HLA-DPA1: variants seen among roughly 807,000 people sequenced by gnomAD.
The protein encoded by HLA-DPA1 is HLA class II histocompatibility antigen, DP alpha 1 chain.
HLA-DPA1 carries 20 observed loss-of-function variants against 21.5 expected under a neutral mutation model. That is an observed-to-expected ratio of 0.93 (90% CI 0.66 to 1.35). The LOEUF (loss-of-function observed/expected upper bound fraction) is 1.35. Among genes scored for constraint, HLA-DPA1 ranks in the 40% most tolerant of loss-of-function variants. The pLI, the probability that HLA-DPA1 is intolerant of heterozygous loss-of-function variation, is 0.00. For synonymous variants in HLA-DPA1, 123 were observed against 129.6 expected, an observed-to-expected ratio of 0.95 and a Z score of 0.35; for missense variants, 279 against 323.0, an observed-to-expected ratio of 0.86 and a Z score of 1.05.
At chr6:33,067,944 AT>A (rs1158944733) in intron 5 of HLA-DPA1, 1 of 152,226 alleles carries the variant, frequency 6.6e-6, no homozygotes, top group African/African-American at 2.4e-5. Context: ...TCCAGCATGA[AT>A]AACAATAATA....
chr6:33,078,476 C>T lies in HLA-DPA1; in HGVS notation c.-100+2204G>A, dbSNP rs530405287. The stretch of plus-strand genomic sequence containing the variant: ...GCTTAAAGAGGCTGGGGGAGAAAAG[C>T]TTGGCTGAGACAACCCATAGGGAGC... On this transcript the variant is annotated intron_variant, in intron 1 of 5. Coordinates refer to ENST00000419277, the Ensembl canonical transcript of HLA-DPA1. Among the ~76,000 whole-genome samples the T allele has an allele frequency of 1.9e-4, 29 of 152,278 alleles. No individual in the cohort carries two copies. The Middle Eastern group carries it at 0.027, about 143-fold the overall frequency.
At chr6:33,073,412 A>G in intron 2 of HLA-DPA1, 59 bp downstream of exon 1, 1 of 822,966 alleles carries the variant, frequency 1.2e-6, no homozygotes, top group Non-Finnish European at 1.9e-6. Flanking sequence ...TGAAGCAGCA[A>G]TTGATGTGAA....
chr6:33,076,036 A>G (rs1762516833), intron 1 of HLA-DPA1: 2 of 1,608,764 alleles, frequency 1.2e-6, no homozygotes, highest in Non-Finnish European at 8.5e-7. Flanking sequence ...ATCCTTTTCC[A>G]GCTCCATGAT....
chr6:33,067,315 C>G (rs959487570), intron 5 of HLA-DPA1: 5 of 138,140 alleles, frequency 3.6e-5, no homozygotes, highest in Non-Finnish European at 4.5e-5. Flanking sequence ...TGGCTTTGTC[C>G]CCTCTCCGGG....
At chr6:33,077,381 G>A (rs2150368129) in intron 1 of HLA-DPA1, among the ~76,000 whole-genome samples, 2 of 152,178 alleles carry the variant, frequency 1.3e-5, no homozygotes, top group Middle Eastern at 6.8e-3. Flanking sequence ...ATAAACATAT[G>A]TGTGCATGTG....
chr6:33,067,423 G>C (rs1342342728), intron 5 of HLA-DPA1: 1 of 152,208 alleles, frequency 6.6e-6, no homozygotes, highest in African/African-American at 2.4e-5. Context: ...CTATGACCAT[G>C]TGATGCACTG....
chr6:33,073,442 G>A lies in HLA-DPA1; in HGVS notation c.100+29C>T, dbSNP rs117205703. 2,035 of 1,461,424 alleles carry A rather than the reference G, an allele frequency of 1.4e-3. 32 individuals carry two copies. The highest frequency in any genetic ancestry group is 0.014 in the East Asian group (602 of 44,136). 90.5% of individuals were successfully genotyped at this position (1,461,424 alleles called of 1,614,324 possible). On this transcript the variant is annotated intron_variant, in intron 2 of 5. Coordinates refer to ENST00000419277, the Ensembl canonical transcript of HLA-DPA1. ...TGTGAACCACCCCATCACTCACCCC[G>A]ACGCTCCTGCGTCCTCCTGAGCACT... is the stretch of plus-strand genomic sequence containing the variant.
chr6:33,076,084 C>A (rs771074929), intron 1 of HLA-DPA1: 1 of 1,612,620 alleles, frequency 6.2e-7, no homozygotes, highest in Admixed American at 1.7e-5. Flanking sequence ...GACAGTGGCT[C>A]TGACGGCGTT....
At chr6:33,066,821 C>A (rs1218612895) in intron 5 of HLA-DPA1, 1 of 152,038 alleles carries the variant, frequency 6.6e-6, no homozygotes, top group Admixed American at 6.5e-5. Context: ...TAATTATAGC[C>A]CCAATTATTA....
chr6:33,075,843 A>G, intron 1 of HLA-DPA1: 2 of 564,534 alleles, frequency 3.5e-6, no homozygotes, highest in Middle Eastern at 3.4e-4. Flanking sequence ...GACCTTTCAT[A>G]CTAACTTTCT....
rs1171565684 is a variant in HLA-DPA1, at chr6:33,069,893, A to G, written c.101-7T>C. The G allele has an allele frequency of 4.4e-6, 7 of 1,606,100 alleles. No homozygotes were observed. The South Asian group carries it at 7.7e-5, about 18-fold the overall frequency. On this transcript the variant is annotated splice_region_variant and splice_polypyrimidine_tract_variant and intron_variant, in intron 2 of 5. Coordinates refer to ENST00000419277, the Ensembl canonical transcript of HLA-DPA1. ...TAAGTTGACACATGGTCCGCTGCAT[A>G]AAGACAGTAGAGAAAAACACGACAA... is the stretch of plus-strand genomic sequence containing the variant.
At chr6:33,076,645 G>C (rs1762555571) in intron 1 of HLA-DPA1, among the ~76,000 whole-genome samples, 1 of 152,138 alleles carries the variant, frequency 6.6e-6, no homozygotes, top group South Asian at 2.1e-4. Flanking sequence ...GGGAGGGAGG[G>C]GGATAGGTTT....
chr6:33,080,577 A>T lies in HLA-DPA1; in HGVS notation c.-100+103T>A, dbSNP rs7765682. On this transcript the variant is annotated intron_variant, in intron 1 of 5. Coordinates refer to ENST00000419277, the Ensembl canonical transcript of HLA-DPA1. The surrounding 1 kb of genome is among the most constrained non-coding windows in gnomAD (Gnocchi z 4.3). The stretch of plus-strand genomic sequence containing the variant: ...ATTTTAAAATCCAGCCCTGGGTGGG[A>T]AGATTTGGGAAGAATCGTTAATATT... The T allele has an allele frequency of 0.066, 102,701 of 1,567,100 alleles. 6,396 individuals carry two copies. Among genetic ancestry groups the T allele is most frequent in the African/African-American group, 0.31 (23,095 of 73,336 alleles).
At chr6:33,069,163 C>T in exon 4 of HLA-DPA1, 1 of 1,612,966 alleles carries the variant, frequency 6.2e-7, no homozygotes, top group Non-Finnish European at 8.5e-7. Flanking sequence ...TCAGCGACAC[C>T]CTCAGTGACC....
rs751536871 is a variant in HLA-DPA1, at chr6:33,080,679, C to CGTG, written c.-100_-100+1insCAC. ...TCCGCCCCCTCCCCGCAGAGAATTACCTTTTCCAGGGACGGCAGGAATGCT... is the reference window on the plus strand; with the variant it reads ...TCCGCCCCCTCCCCGCAGAGAATTACGTGCTTTTCCAGGGACGGCAGGAATGCT... On this transcript the variant is annotated splice_region_variant and 5_prime_UTR_variant. Coordinates refer to ENST00000419277, the Ensembl canonical transcript of HLA-DPA1. The surrounding 1 kb of genome is among the most constrained non-coding windows in gnomAD (Gnocchi z 4.3). 6.8e-6 allele frequency: 11 copies of CGTG among 1,612,636 alleles called. 1 individual carries two copies. The Middle Eastern group carries it at 1.5e-3, about 218-fold the overall frequency.
chr6:33,072,923 G>C (rs1008326500), intron 2 of HLA-DPA1, among the ~76,000 whole-genome samples: 2 of 152,172 alleles, frequency 1.3e-5, no homozygotes, highest in Non-Finnish European at 2.9e-5. Flanking sequence ...AGAGCCCTAG[G>C]GTCCTAGAAG....
intron 5 of HLA-DPA1, chr6:33,068,437 G>T: frequency 2.0e-6 from 1 of 505,652 alleles, no homozygotes; most frequent in Non-Finnish European, 3.5e-6. Context: ...GACTATGTGT[G>T]AGAATAAAGT....
intron 1 of HLA-DPA1, chr6:33,079,522 A>G (rs1762724958): frequency 8.1e-6 from 3 of 370,818 alleles, no homozygotes. Flanking sequence ...TGAGGCACCA[A>G]TCAGACTGAA....
chr6:33,069,583 G>C (rs1274787964), intron 3 of HLA-DPA1, 58 bp downstream of exon 2: 4 of 1,595,322 alleles, frequency 2.5e-6, no homozygotes, highest in Admixed American at 1.7e-5. Context: ...GGGTGGCAGA[G>C]AGGCCCTCTC....
Sources: allele counts gnomAD v4.1 joint callset (sites outside exome capture counted in the v4.1 genomes callset), GRCh38; gene constraint gnomAD v4.1.1; non-coding constraint Gnocchi (gnomAD v3.1); transcripts MANE v1.5; gene names NCBI Gene and HGNC (gene_info 2026-07-23, HGNC 2026-07-21).